The following PHLDB2 variants were observed in gnomAD, a reference collection of about 807,000 sequenced individuals.
The protein encoded by PHLDB2 is pleckstrin homology-like domain family B member 2.
Under a neutral mutation model 123.6 loss-of-function variants are expected in PHLDB2, and 71 were observed. The observed-to-expected ratio is 0.57, with a 90% CI of 0.47 to 0.70. The LOEUF is 0.70. Ranked by LOEUF, PHLDB2 falls within the 30% of genes least tolerant of loss-of-function variation. The pLI, the probability that PHLDB2 is intolerant of heterozygous loss-of-function variation, is 0.00. For missense variants in PHLDB2, 1,446 were observed against 1,519.5 expected (o/e 0.95, Z 0.80); for synonymous variants, 547 against 541.6 (o/e 1.01, Z -0.14).
chr3:111,897,460 A>G (rs1366676105), intron 2 of PHLDB2, among the ~76,000 whole-genome samples: 1 of 152,242 alleles, frequency 6.6e-6, no homozygotes, highest in African/African-American at 2.4e-5. Flanking sequence ...AGCTGAAGTC[A>G]GTGAGATTAG....
intron 12 of PHLDB2, among the ~76,000 whole-genome samples, chr3:111,959,991 A>G (rs1331890458): frequency 2.6e-5 from 4 of 152,240 alleles, no homozygotes; most frequent in Admixed American, 1.3e-4. Flanking sequence ...ACTACAAGGA[A>G]ATATCGTCCA....
In PHLDB2 at chr3:111,752,894, C is replaced by T. The variant is rs865820444; in HGVS notation, c.-49+20191C>T. ...ATTCCCACCTATGAGTGAGAATATG[C>T]GGTGTTTGGTTTTTTGTTCTTGTGA... On this transcript the variant is annotated intron_variant, in intron 1 of 17. Coordinates refer to the PHLDB2 transcript ENST00000393923. 1.9e-3 allele frequency among the ~76,000 whole-genome samples: 283 copies of T among 151,266 alleles called. 2 individuals are homozygous for T. The highest frequency in any genetic ancestry group is 6.4e-3 in the African/African-American group (265 of 41,124).
At chr3:111,806,831 T>G (rs192815835) in intron 1 of PHLDB2, among the ~76,000 whole-genome samples, 139 of 151,778 alleles carry the variant, frequency 9.2e-4, no homozygotes, top group Non-Finnish European at 1.0e-4. Context: ...GGGGTTTCAC[T>G]GTGTTGTCCA....
intron 1 of PHLDB2, among the ~76,000 whole-genome samples, chr3:111,867,409 T>C (rs977540529): frequency 2.6e-5 from 4 of 151,584 alleles, no homozygotes; most frequent in African/African-American, 9.7e-5. Context: ...AATTTAAATG[T>C]ATACTAAAAT....
chr3:111,875,355 G>A (rs1294894828), intron 1 of PHLDB2, among the ~76,000 whole-genome samples: 2 of 151,638 alleles, frequency 1.3e-5, no homozygotes, highest in East Asian at 2.0e-4. Context: ...TCTCCATGTT[G>A]GTCAGGCTGG....
chr3:111,870,278 A>G (rs1050773008), intron 1 of PHLDB2, among the ~76,000 whole-genome samples: 6 of 152,084 alleles, frequency 3.9e-5, no homozygotes, highest in Non-Finnish European at 7.4e-5. Context: ...GTGTTTGCAG[A>G]TGAGTTTGGG....
intron 1 of PHLDB2, among the ~76,000 whole-genome samples, chr3:111,818,135 C>T (rs1014115230): frequency 2.0e-5 from 3 of 150,690 alleles, no homozygotes; most frequent in African/African-American, 7.3e-5. Flanking sequence ...AGAAGCCAGT[C>T]TTGCTTAAAA....
At chr3:111,912,457 G>A (rs1193551426) in intron 2 of PHLDB2, among the ~76,000 whole-genome samples, 12 of 152,018 alleles carry the variant, frequency 7.9e-5, no homozygotes, top group Non-Finnish European at 5.9e-5. Flanking sequence ...TGTGTATCTG[G>A]ACTTCATGTG....
chr3:111,888,125 A>C (rs2066280385), intron 2 of PHLDB2, among the ~76,000 whole-genome samples: 1 of 152,116 alleles, frequency 6.6e-6, no homozygotes, highest in South Asian at 2.1e-4. Flanking sequence ...CTTTGTGTAA[A>C]GTACCCAATC....
Position 111,884,476 on chromosome 3 carries a change from C to T in PHLDB2, c.399C>T (p.Gly133=), listed in dbSNP as rs1175587844. ...GAGCAGACTTTGATCATTATACTGG[C>T]CGGGACAGTGAAAGGGCCTTGAGGC... is the stretch of plus-strand genomic sequence containing the variant. ...LGRADFDHYT[G]RDSERALRLS... Residue 133 remains glycine (G), a synonymous_variant, in exon 2 of 18, where the codon GGC becomes GGT. Coordinates refer to ENST00000431670, the MANE Select transcript of PHLDB2 (RefSeq NM_001134438.2). The T allele has an allele frequency of 6.2e-7, 1 of 1,614,152 alleles. No individual in the cohort carries two copies. The highest frequency in any genetic ancestry group is 1.7e-5 in the Admixed American group (1 of 60,022).
intron 1 of PHLDB2, among the ~76,000 whole-genome samples, chr3:111,816,616 C>T (rs1308939209): frequency 1.3e-5 from 2 of 152,186 alleles, no homozygotes; most frequent in African/African-American, 4.8e-5. Context: ...AAGTAATTAA[C>T]TTGCTTTTGA....
At chr3:111,765,184 ATG>A (rs1461632760) in intron 1 of PHLDB2, among the ~76,000 whole-genome samples, 2 of 152,194 alleles carry the variant, frequency 1.3e-5, no homozygotes, top group Admixed American at 1.3e-4. Flanking sequence ...CCACCAGCAC[ATG>A]TGTTTGAAGC....
chr3:111,925,454 T>C (rs1014176170), intron 5 of PHLDB2, among the ~76,000 whole-genome samples: 2 of 152,204 alleles, frequency 1.3e-5, no homozygotes, highest in African/African-American at 4.8e-5. Context: ...TGTTCTCGGA[T>C]AGTAGCCACA....
chr3:111,962,125 A>G lies in PHLDB2; in HGVS notation c.2890A>G (p.Met964Val). 1 of 1,580,208 alleles carries G rather than the reference A, an allele frequency of 6.3e-7. No individual in the cohort carries two copies. Among genetic ancestry groups the G allele is most frequent in the Non-Finnish European group, 8.5e-7 (1 of 1,171,146 alleles). The change falls in exon 13 of 18, where the codon ATG becomes GTG. Residue 964 changes from methionine (M) to valine (V), a missense_variant. By Grantham distance (21) the Met-to-Val change is conservative. Around this residue, in one of 3 missense-constraint regions of PHLDB2, gnomAD observed 594 missense variants for 646.0 expected, o/e 0.92. Transcript: ENST00000431670. The part of the protein sequence containing the change: ...RMLRGYNHQQ[M>V]SEGHRQKSEF... The stretch of plus-strand genomic sequence containing the variant: ...TTCCTTAGGTTATAATCACCAACAG[A>G]TGAGTGAAGGACACAGGCAGAAATC...
At chr3:111,763,044 T>G (rs1013275069) in intron 1 of PHLDB2, among the ~76,000 whole-genome samples, 4 of 152,214 alleles carry the variant, frequency 2.6e-5, no homozygotes, top group African/African-American at 9.7e-5. Context: ...TCCTTGCATG[T>G]CTCCCAGCAC....
intron 10 of PHLDB2, among the ~76,000 whole-genome samples, chr3:111,951,254 T>C (rs2070698658): frequency 6.6e-6 from 1 of 152,148 alleles, no homozygotes; most frequent in South Asian, 2.1e-4. Context: ...TACATGACTT[T>C]GGCCAAGTTT....
At chr3:111,839,788 G>A (rs957655118) in intron 1 of PHLDB2, among the ~76,000 whole-genome samples, 7 of 151,786 alleles carry the variant, frequency 4.6e-5, no homozygotes, top group African/African-American at 7.3e-5. Context: ...ACATAACACC[G>A]GCTTTAGGAC....
intron 1 of PHLDB2, among the ~76,000 whole-genome samples, chr3:111,768,630 A>G (rs967820579): frequency 1.3e-5 from 2 of 152,006 alleles, no homozygotes; most frequent in Non-Finnish European, 2.9e-5. Context: ...CCTCACCCAC[A>G]CCCTCGGATC....
intron 1 of PHLDB2, among the ~76,000 whole-genome samples, chr3:111,775,343 T>G (rs1559824527): frequency 1.3e-5 from 2 of 152,180 alleles, no homozygotes; most frequent in African/African-American, 4.8e-5. Context: ...CCCCACCGAT[T>G]AAACAGATGA....
Sources: gnomAD v4.1 joint callset for allele counts (sites outside exome capture counted in the v4.1 genomes callset) on GRCh38, gnomAD v4.1.1 for gene constraint, gnomAD v4.1.1 regional missense constraint, MANE v1.5 for transcripts, NCBI Gene and HGNC (gene_info 2026-07-23, HGNC 2026-07-21) for gene names.